Variants in DCC observed in about 807,000 individuals in gnomAD.
DCC encodes the protein DCC netrin 1 receptor, also known as netrin receptor DCC.
DCC carries 58 observed loss-of-function variants against 172.5 expected under a neutral mutation model. The ratio of observed to expected loss-of-function variants is 0.34; its 90% CI spans 0.27 to 0.42. The LOEUF is 0.42. Ranked by LOEUF, DCC falls within the 10% of genes least tolerant of loss-of-function variation. The pLI, the probability that DCC is intolerant of heterozygous loss-of-function variation, is 1.00. For missense variants in DCC, 1,740 were observed against 1,791.0 expected, an observed-to-expected ratio of 0.97 and a Z score of 0.51; for synonymous variants, 709 against 644.5, an observed-to-expected ratio of 1.10 and a Z score of -1.52.
intron 27 of DCC, among the ~76,000 whole-genome samples, chr18:53,512,317 CCAT>C (rs1397869536): frequency 6.7e-6 from 1 of 148,778 alleles, no homozygotes; most frequent in Non-Finnish European, 1.5e-5. Context: ...CTGTACATCA[CCAT>C]CATCAAAGAC....
intron 1 of DCC, among the ~76,000 whole-genome samples, chr18:52,748,027 G>T (rs576094115): frequency 1.3e-5 from 2 of 152,180 alleles, no homozygotes; most frequent in Non-Finnish European, 2.9e-5. Flanking sequence ...GACAGGCTGC[G>T]GTCGGCTCGT....
chr18:52,582,159 A>G (rs759801234), intron 1 of DCC, among the ~76,000 whole-genome samples: 6 of 152,216 alleles, frequency 3.9e-5, no homozygotes, highest in South Asian at 2.1e-4. Context: ...CTCTAAATAT[A>G]TTAAGTTTAA....
At chr18:52,898,155 C>CT (rs1248131673) in intron 2 of DCC, among the ~76,000 whole-genome samples, 1 of 152,220 alleles carries the variant, frequency 6.6e-6, no homozygotes, top group Non-Finnish European at 1.5e-5. Context: ...TATTACCACA[C>CT]TGCTGAATAT....
chr18:53,000,024 C>A (rs943191997), intron 5 of DCC, among the ~76,000 whole-genome samples: 1 of 151,980 alleles, frequency 6.6e-6, no homozygotes, highest in Admixed American at 6.6e-5. Flanking sequence ...AAACATCAAC[C>A]ACCACCAATT....
intron 2 of DCC, among the ~76,000 whole-genome samples, chr18:52,830,480 G>T (rs2038593976): frequency 6.6e-6 from 1 of 152,158 alleles, no homozygotes; most frequent in African/African-American, 2.4e-5. Context: ...CCCTCTGGCT[G>T]CTGAGTTGAG....
chr18:52,705,920 A>C (rs1260808644), intron 1 of DCC, among the ~76,000 whole-genome samples: 2 of 152,192 alleles, frequency 1.3e-5, no homozygotes, highest in East Asian at 3.8e-4. Flanking sequence ...TCTCCATACC[A>C]GACATTTTAT....
chr18:53,277,584 C>T (rs1454026197), intron 12 of DCC, among the ~76,000 whole-genome samples: 1 of 152,134 alleles, frequency 6.6e-6, no homozygotes, highest in Non-Finnish European at 1.5e-5. Context: ...CTTTCGTCTC[C>T]TCCCTTTTGC....
chr18:53,257,288 GC>G (rs1216760126), intron 12 of DCC, among the ~76,000 whole-genome samples: 2 of 152,142 alleles, frequency 1.3e-5, no homozygotes, highest in African/African-American at 4.8e-5. Context: ...CGTGTCTTGT[GC>G]CAGTTTTCAA....
chr18:52,655,129 T>A (rs2035220588), intron 1 of DCC, among the ~76,000 whole-genome samples: 1 of 149,974 alleles, frequency 6.7e-6, no homozygotes, highest in Admixed American at 6.6e-5. Flanking sequence ...TATTTATGTA[T>A]TTTTTTTTAA....
At chr18:52,394,266 G>GATTATT (rs911725145) in intron 1 of DCC, among the ~76,000 whole-genome samples, 5 of 151,676 alleles carry the variant, frequency 3.3e-5, no homozygotes, top group Non-Finnish European at 5.9e-5. Flanking sequence ...TTAGGATGAT[G>GATTATT]ATTATTATTA....
At chr18:53,019,470 C>A (rs1294454002) in intron 5 of DCC, among the ~76,000 whole-genome samples, 1 of 152,102 alleles carries the variant, frequency 6.6e-6, no homozygotes, top group African/African-American at 2.4e-5. Context: ...GTACTCATAT[C>A]CCCAATCCAG....
chr18:52,782,803 T>G (rs1318233019), intron 2 of DCC, among the ~76,000 whole-genome samples: 1 of 152,024 alleles, frequency 6.6e-6, no homozygotes, highest in Non-Finnish European at 1.5e-5. Context: ...GTTAAGTGAG[T>G]TGTGAATTTG....
intron 1 of DCC, among the ~76,000 whole-genome samples, chr18:52,614,253 G>A (rs1437542417): frequency 1.1e-4 from 17 of 152,178 alleles, no homozygotes; most frequent in Admixed American, 1.1e-3. Context: ...TAAACTGTAA[G>A]TTACTGATAT....
intron 15 of DCC, among the ~76,000 whole-genome samples, chr18:53,372,429 G>A (rs970499622): frequency 1.2e-4 from 18 of 152,016 alleles, no homozygotes; most frequent in East Asian, 5.8e-4. Context: ...AACACAAAGA[G>A]GGCAACAGCA....
At chr18:53,496,051 T>C (rs564132793) in intron 26 of DCC, among the ~76,000 whole-genome samples, 1 of 152,280 alleles carries the variant, frequency 6.6e-6, no homozygotes, top group East Asian at 1.9e-4. Flanking sequence ...TAAACGTCCC[T>C]GCCTGACAGT....
chr18:52,622,229 G>A (rs1224188033), intron 1 of DCC, among the ~76,000 whole-genome samples: 2 of 152,036 alleles, frequency 1.3e-5, no homozygotes, highest in Non-Finnish European at 2.9e-5. Context: ...TTCTCTATAA[G>A]AATGTCCAAG....
At chr18:52,541,873 G>GTATATATATATATATATATA (rs1286782640) in intron 1 of DCC, among the ~76,000 whole-genome samples, 1 of 30,036 alleles carries the variant, frequency 3.3e-5, no homozygotes, top group Non-Finnish European at 7.4e-5. Flanking sequence ...ATGTGTGTGT[G>GTATATATATATATATATATA]TGTATATATA....
chr18:52,556,011 T>C (rs1403535075), intron 1 of DCC, among the ~76,000 whole-genome samples: 1 of 152,154 alleles, frequency 6.6e-6, no homozygotes, highest in African/African-American at 2.4e-5. Flanking sequence ...ATTACATCCA[T>C]TGGTGTCTAT....
intron 12 of DCC, among the ~76,000 whole-genome samples, chr18:53,243,797 T>C (rs1475277329): frequency 6.6e-6 from 1 of 152,158 alleles, no homozygotes; most frequent in Non-Finnish European, 1.5e-5. Context: ...CAGATCTGAC[T>C]CCCCGATTCA....
Sources: allele counts gnomAD v4.1 joint callset (sites outside exome capture counted in the v4.1 genomes callset), GRCh38; gene constraint gnomAD v4.1.1; transcripts MANE v1.5; gene names NCBI Gene and HGNC (gene_info 2026-07-23, HGNC 2026-07-21).